Variants in ITIH5 observed in about 807,000 individuals in gnomAD.
The protein encoded by ITIH5 is inter-alpha-trypsin inhibitor heavy chain 5.
Under a neutral mutation model 77.5 loss-of-function variants are expected in ITIH5, and 65 were observed. The ratio of observed to expected loss-of-function variants is 0.84; its 90% CI spans 0.69 to 1.03. ITIH5 has a LOEUF of 1.03. Ranked by LOEUF, ITIH5 falls within the 50% of genes least tolerant of loss-of-function variation. ITIH5 has a pLI of 0.00. For synonymous variants in ITIH5, 525 were observed against 494.3 expected, an observed-to-expected ratio of 1.06 and a Z score of -0.82; for missense variants, 1,208 against 1,213.1, an observed-to-expected ratio of 1.00 and a Z score of 0.06.
intron 2 of ITIH5, among the ~76,000 whole-genome samples, chr10:7,653,736 G>T (rs1464142461): frequency 6.6e-6 from 1 of 152,130 alleles, no homozygotes; most frequent in Non-Finnish European, 1.5e-5. Flanking sequence ...TAAGAGCATG[G>T]ACTCAGACAC....
At chr10:7,640,896 C>A in intron 3 of ITIH5, 41 bp from the exon 4 acceptor site, 1 of 1,330,730 alleles carries the variant, frequency 7.5e-7, no homozygotes, top group Non-Finnish European at 1.1e-6. Context: ...CTTGCAGTTC[C>A]AAGACAAATT....
chr10:7,644,416 TATATATCAC>T (rs1197289394), intron 2 of ITIH5, among the ~76,000 whole-genome samples: 4 of 137,414 alleles, frequency 2.9e-5, no homozygotes, highest in African/African-American at 8.0e-5. Context: ...ACATATATCA[TATATATCAC>T]ATATATCATA....
At chr10:7,641,680 A>AGGGAGGGAGGGAG (rs1564275819) in intron 3 of ITIH5, among the ~76,000 whole-genome samples, 1 of 70,432 alleles carries the variant, frequency 1.4e-5, no homozygotes, top group Non-Finnish European at 2.5e-5. Context: ...GAGGCAGGGA[A>AGGGAGGGAGGGAG]GGAGGGAGGG....
At chr10:7,575,070 C>A (rs555907821) in intron 10 of ITIH5, among the ~76,000 whole-genome samples, 3 of 152,336 alleles carry the variant, frequency 2.0e-5, no homozygotes, top group Non-Finnish European at 2.9e-5. Flanking sequence ...ACAAGCTCCA[C>A]GCTTTCTGAA....
chr10:7,613,335 G>C (rs902186532), intron 7 of ITIH5, among the ~76,000 whole-genome samples: 1 of 152,046 alleles, frequency 6.6e-6, no homozygotes, highest in Non-Finnish European at 1.5e-5. Flanking sequence ...AGGCTATGTG[G>C]CCTCTAAAAC....
chr10:7,633,218 C>A (rs1220155128), intron 5 of ITIH5, among the ~76,000 whole-genome samples: 1 of 152,158 alleles, frequency 6.6e-6, no homozygotes, highest in Non-Finnish European at 1.5e-5. Context: ...TCACCGTATA[C>A]CAATTTGTAA....
At chr10:7,611,517 A>G (rs1833243669) in intron 7 of ITIH5, among the ~76,000 whole-genome samples, 1 of 147,614 alleles carries the variant, frequency 6.8e-6, no homozygotes, top group Non-Finnish European at 1.5e-5. Context: ...GGATTGGACT[A>G]GGTTTGAGGT....
Position 7,572,771 on chromosome 10 carries a change from CTTTTTTTTT to C in ITIH5, c.2032+362_2032+370del, listed in dbSNP as rs528912890. ...GCTTCAAGGAATTCTTGGTTTTACA[CTTTTTTTTT>C]TTTTTTTTTTTTTTGAGACAGAGTT... is the stretch of plus-strand genomic sequence containing the variant. On this transcript the variant is annotated intron_variant, in intron 11 of 13. Transcript: ENST00000397146. 1.3e-3 allele frequency: 111 copies of C among 88,340 alleles called. No individual in the cohort carries two copies. In the South Asian group the frequency reaches 0.018, roughly 14 times the overall value. 5.5% of individuals were successfully genotyped at this position (88,340 alleles called of 1,614,324 possible).
In ITIH5 at chr10:7,628,803, GT is replaced by G. The variant is rs1396675382; in HGVS notation, c.652+8424del. On this transcript the variant is annotated intron_variant, in intron 5 of 13. Coordinates refer to ENST00000397146, the MANE Select transcript of ITIH5 (RefSeq NM_030569.7). ...TGTCCATGTTATCATATGTATCTGT[GT>G]TTTTGCATGTGTCCATGTTGTAGCG... 8.0e-5 allele frequency among the ~76,000 whole-genome samples: 11 copies of G among 138,076 alleles called. 2 individuals carry two copies. Among genetic ancestry groups the G allele is most frequent in the African/African-American group, 1.5e-4 (6 of 39,044 alleles). The allele number at this position is 138,076 out of a possible 152,430, so 90.6% of individuals were successfully genotyped here.
chr10:7,612,235 A>G (rs1833261205), intron 7 of ITIH5, among the ~76,000 whole-genome samples: 1 of 152,228 alleles, frequency 6.6e-6, no homozygotes, highest in South Asian at 2.1e-4. Flanking sequence ...TGGTAGGGTG[A>G]ATAAATGTTC....
chr10:7,626,946 G>A (rs1036738222), intron 5 of ITIH5, among the ~76,000 whole-genome samples: 3 of 152,200 alleles, frequency 2.0e-5, no homozygotes, highest in Non-Finnish European at 4.4e-5. Flanking sequence ...AGCCAAGAAA[G>A]TGCTGAAAAC....
intron 5 of ITIH5, among the ~76,000 whole-genome samples, chr10:7,627,891 G>C (rs1253479203): frequency 7.6e-6 from 1 of 131,800 alleles, no homozygotes; most frequent in East Asian, 2.2e-4. Flanking sequence ...TCCCAGGCTG[G>C]AGTGCAGTGG....
At position 7,644,604 on chromosome 10, in the gene ITIH5, C is replaced by T. The variant is rs956579590; in HGVS notation, c.136-2514G>A. 2.5e-4 allele frequency among the ~76,000 whole-genome samples: 25 copies of T among 99,594 alleles called. 1 individual carries two copies. Among genetic ancestry groups the T allele is most frequent in the African/African-American group, 8.0e-4 (22 of 27,370 alleles). The allele number at this position is 99,594 out of a possible 152,430, so 65.3% of individuals were successfully genotyped here. ...TATATCACATATATATCATACATATCACATATATCACATATATATCACATA... is the reference window on the plus strand; with the variant it reads ...TATATCACATATATATCATACATATTACATATATCACATATATATCACATA... On this transcript the variant is annotated intron_variant, in intron 2 of 13. Transcript: ENST00000397146.
At chr10:7,600,750 G>A (rs1344521159) in intron 7 of ITIH5, among the ~76,000 whole-genome samples, 5 of 152,168 alleles carry the variant, frequency 3.3e-5, no homozygotes, top group Non-Finnish European at 7.4e-5. Context: ...GGGACTTTAG[G>A]AGGTAATTAG....
At chr10:7,640,047 CCTTT>C (rs1294147888) in intron 4 of ITIH5, among the ~76,000 whole-genome samples, 3 of 148,664 alleles carry the variant, frequency 2.0e-5, no homozygotes, top group South Asian at 2.1e-4. Flanking sequence ...TGCTAAATAC[CCTTT>C]CTTTATAGCA....
At chr10:7,565,004 ACCT>A (rs1832113454) in intron 13 of ITIH5, among the ~76,000 whole-genome samples, 3 of 137,456 alleles carry the variant, frequency 2.2e-5, no homozygotes, top group African/African-American at 1.0e-4. Context: ...TAGACTGTAT[ACCT>A]ACATATATAC....
chr10:7,661,539 A>T (rs1834277090), intron 1 of ITIH5, among the ~76,000 whole-genome samples: 1 of 152,164 alleles, frequency 6.6e-6, no homozygotes, highest in Non-Finnish European at 1.5e-5. Flanking sequence ...CCATTTGGGT[A>T]ATTCTATATC....
intron 7 of ITIH5, among the ~76,000 whole-genome samples, chr10:7,603,131 G>GCAAGCT (rs1419216109): frequency 2.0e-5 from 3 of 152,256 alleles, no homozygotes; most frequent in African/African-American, 7.2e-5. Flanking sequence ...ACAAATCTGT[G>GCAAGCT]CAAGCTCAAA....
intron 9 of ITIH5, 92 bp from the exon 10 acceptor site, chr10:7,577,104 G>T: frequency 9.2e-7 from 1 of 1,086,886 alleles, no homozygotes. Context: ...CTCTCAGGGG[G>T]ATGCATCTGA....
Sources: allele counts gnomAD v4.1 joint callset (sites outside exome capture counted in the v4.1 genomes callset), GRCh38; gene constraint gnomAD v4.1.1; transcripts MANE v1.5; gene names NCBI Gene and HGNC (gene_info 2026-07-23, HGNC 2026-07-21).